Variants in LGSN observed in about 807,000 individuals in gnomAD.
LGSN encodes lengsin.
Under a neutral mutation model 19.5 loss-of-function variants are expected in LGSN, and 21 were observed. The ratio of observed to expected loss-of-function variants is 1.07; its 90% CI spans 0.76 to 1.55. The LOEUF is 1.55. Among genes scored for constraint, LGSN ranks in the 40% most tolerant of loss-of-function variants. The pLI is 0.00. For synonymous variants in LGSN, 257 were observed against 215.6 expected (o/e 1.19, Z -1.68); for missense variants, 673 against 608.5 (o/e 1.11, Z -1.12).
intron 1 of LGSN, among the ~76,000 whole-genome samples, chr6:63,306,445 G>A (rs1434853503): frequency 6.6e-6 from 1 of 152,042 alleles, no homozygotes; most frequent in East Asian, 1.9e-4. Context: ...ACTCTTTTCT[G>A]TATAAAAGCA....
chr6:63,297,354 C>CA (rs75453519), intron 1 of LGSN, among the ~76,000 whole-genome samples: 22,195 of 73,554 alleles, frequency 0.3, 2,905 homozygotes, highest in Non-Finnish European at 0.39. Flanking sequence ...GCCTCGGTAT[C>CA]AAAAAAAAAA....
the LGSN span, among the ~76,000 whole-genome samples, chr6:63,412,533 A>AGAAAGAAAGAAAGAAAGAAAGAAAGAAG: frequency 2.3e-5 from 2 of 85,158 alleles, no homozygotes; most frequent in African/African-American, 1.0e-4. Flanking sequence ...AAAGAAGGAA[A>AGAAAGAAAGAAAGAAAGAAAGAAAGAAG]GAAAGAAAGA....
chr6:63,483,519 C>T, the LGSN span, among the ~76,000 whole-genome samples: 1 of 152,110 alleles, frequency 6.6e-6, no homozygotes, highest in Non-Finnish European at 1.5e-5. Context: ...GCATGCACCA[C>T]CACGCCCGGC....
the LGSN span, chr6:63,396,406 T>C: frequency 9.5e-6 from 2 of 211,256 alleles, no homozygotes; most frequent in East Asian, 3.4e-4. Context: ...AGTTATTCTC[T>C]AGACCTCAAG....
chr6:63,285,141 T>G (rs539209937), intron 3 of LGSN, among the ~76,000 whole-genome samples: 121 of 152,242 alleles, frequency 7.9e-4, no homozygotes, highest in Non-Finnish European at 1.5e-3. Context: ...GAATATTTTC[T>G]TATCAGAATT....
the LGSN span, among the ~76,000 whole-genome samples, chr6:63,427,850 G>C: frequency 2.6e-5 from 4 of 151,890 alleles, no homozygotes; most frequent in Non-Finnish European, 5.9e-5. Flanking sequence ...ATCAATCTAA[G>C]ATAATCAGTT....
chr6:63,500,155 A>C, the LGSN span, among the ~76,000 whole-genome samples: 16 of 152,150 alleles, frequency 1.1e-4, no homozygotes, highest in African/African-American at 3.9e-4. Flanking sequence ...AATTTTTCTC[A>C]TAAGTGTTAA....
chr6:63,531,315 G>A, the LGSN span, among the ~76,000 whole-genome samples: 1 of 152,104 alleles, frequency 6.6e-6, no homozygotes, highest in African/African-American at 2.4e-5. Flanking sequence ...ACCGATTTGT[G>A]AGGCCTGTAA....
chr6:63,548,275 A>G, the LGSN span, among the ~76,000 whole-genome samples: 1 of 152,202 alleles, frequency 6.6e-6, no homozygotes, highest in Non-Finnish European at 1.5e-5. Flanking sequence ...TTGTTGTGTG[A>G]CATAACTTTT....
At chr6:63,325,984 G>A in the LGSN span, among the ~76,000 whole-genome samples, 7 of 152,232 alleles carry the variant, frequency 4.6e-5, no homozygotes, top group Non-Finnish European at 1.0e-4. Context: ...TGGTAGAGCC[G>A]AGTGGTCTGT....
At chr6:63,428,990 G>A in the LGSN span, among the ~76,000 whole-genome samples, 6 of 152,022 alleles carry the variant, frequency 3.9e-5, no homozygotes, top group Non-Finnish European at 8.8e-5. Flanking sequence ...GGCCAGCCTG[G>A]GCAGCATAGC....
chr6:63,379,235 T>A, the LGSN span, among the ~76,000 whole-genome samples: 1 of 151,914 alleles, frequency 6.6e-6, no homozygotes, highest in African/African-American at 2.4e-5. Flanking sequence ...GGAAGATGGA[T>A]CATTCAGGCA....
the LGSN span, among the ~76,000 whole-genome samples, chr6:63,490,456 C>G: frequency 6.6e-6 from 1 of 152,206 alleles, no homozygotes; most frequent in Non-Finnish European, 1.5e-5. Context: ...TGAGCCTAAA[C>G]TTAACCTTAC....
intron 1 of LGSN, among the ~76,000 whole-genome samples, chr6:63,302,190 G>T (rs1198401391): frequency 5.9e-5 from 9 of 151,982 alleles, no homozygotes; most frequent in Non-Finnish European, 1.2e-4. Flanking sequence ...AATTATATGT[G>T]ACTCCTAATA....
At chr6:63,484,177 A>G in the LGSN span, among the ~76,000 whole-genome samples, 1 of 151,886 alleles carries the variant, frequency 6.6e-6, no homozygotes, top group African/African-American at 2.4e-5. Context: ...AAACTAATTC[A>G]TGCACCACCA....
the LGSN span, among the ~76,000 whole-genome samples, chr6:63,537,901 A>G: frequency 6.6e-6 from 1 of 152,240 alleles, no homozygotes; most frequent in African/African-American, 2.4e-5. Flanking sequence ...AATCCTACCA[A>G]TGGAATACAG....
chr6:63,463,136 T>C, the LGSN span, among the ~76,000 whole-genome samples: 1 of 152,198 alleles, frequency 6.6e-6, no homozygotes, highest in East Asian at 1.9e-4. Context: ...CGTTGGCAAA[T>C]ATCTTAACCT....
the LGSN span, among the ~76,000 whole-genome samples, chr6:63,448,091 G>A: frequency 3.3e-5 from 5 of 152,262 alleles, no homozygotes; most frequent in African/African-American, 9.6e-5. Flanking sequence ...ATCTCAGAAT[G>A]AGGTGCTTTT....
the LGSN span, among the ~76,000 whole-genome samples, chr6:63,547,380 G>A: frequency 6.6e-6 from 1 of 150,940 alleles, no homozygotes; most frequent in Non-Finnish European, 1.5e-5. Flanking sequence ...AGTAGAGATA[G>A]GATTTCACCA....
Sources: allele counts gnomAD v4.1 joint callset (sites outside exome capture counted in the v4.1 genomes callset), GRCh38; gene constraint gnomAD v4.1.1; transcripts MANE v1.5; gene names NCBI Gene and HGNC (gene_info 2026-07-23, HGNC 2026-07-21).